Variants in BUD23 observed in about 807,000 individuals in gnomAD.
BUD23 encodes BUD23 rRNA methyltransferase and ribosome maturation factor.
In BUD23, 34 loss-of-function variants were observed where a neutral mutation model predicts 47.0. The observed-to-expected ratio is 0.72, with a 90% confidence interval of 0.55 to 0.96. The LOEUF is 0.96. Among genes scored for constraint, BUD23 ranks in the 40% least tolerant of loss-of-function variants. The pLI, the probability that BUD23 is intolerant of heterozygous loss-of-function variation, is 0.00. For missense variants in BUD23, 343 were observed against 361.2 expected (o/e 0.95, Z 0.41); for synonymous variants, 124 against 132.0 (o/e 0.94, Z 0.41).
At chr7:73,683,883 A>G (rs1554612277) in intron 2 of BUD23, 79 bp downstream of exon 2, 6 of 1,612,758 alleles carry the variant, frequency 3.7e-6, no homozygotes, top group Non-Finnish European at 5.1e-6. Flanking sequence ...GTTGCCCGGA[A>G]AGGCCGTAGA....
chr7:73,694,065 G>A lies in BUD23; in HGVS notation c.701+15G>A. ...ACCAATGAGAGGTAAAGCAACTGCT[G>A]AAGCCTGCCCCGGCTGCAGCGGGGG... On this transcript the variant is annotated intron_variant, in intron 10 of 11. Transcript: ENST00000265758. The A allele has an allele frequency of 1.9e-6, 3 of 1,602,810 alleles. No individual in the cohort carries two copies. Among genetic ancestry groups the A allele is most frequent in the Non-Finnish European group, 1.7e-6 (2 of 1,177,060 alleles).
At chr7:73,692,171 C>A (rs1198199875) in intron 6 of BUD23, among the ~76,000 whole-genome samples, 1 of 152,180 alleles carries the variant, frequency 6.6e-6, no homozygotes, top group Non-Finnish European at 1.5e-5. Flanking sequence ...TCCTGGCACA[C>A]TGGGTTAATA....
chr7:73,692,575 T>C, intron 6 of BUD23, 21 bp from the exon 7 acceptor site: 1 of 1,612,922 alleles, frequency 6.2e-7, no homozygotes, highest in Non-Finnish European at 8.5e-7. Flanking sequence ...TGTAAGACAG[T>C]GATGTTCCTG....
chr7:73,696,095 G>A (rs782763025), intron 10 of BUD23: 2 of 152,208 alleles, frequency 1.3e-5, no homozygotes, highest in Non-Finnish European at 2.9e-5. Context: ...CTGAGGTCCA[G>A]TTGACATGAG....
At position 73,683,677 on chromosome 7, in the gene BUD23, A is replaced by G; in HGVS notation, c.48+4A>G. 6.2e-7 allele frequency: 1 copy of G among 1,613,716 alleles called. No individual in the cohort carries two copies. Among genetic ancestry groups the G allele is most frequent in the Non-Finnish European group, 8.5e-7 (1 of 1,179,952 alleles). Reference sequence around the variant, plus strand: ...GCATGGCGGACCCCCAGAGCTGGTAAGTCCCGGGGCCCGCGGACACCCCTC... The same window carrying G: ...GCATGGCGGACCCCCAGAGCTGGTAGGTCCCGGGGCCCGCGGACACCCCTC... On this transcript the variant is annotated splice_donor_region_variant and intron_variant, in intron 1 of 11. Transcript: ENST00000265758.
intron 10 of BUD23, 22 bp from the exon 11 acceptor site, chr7:73,697,583 C>G: frequency 6.2e-7 from 1 of 1,613,396 alleles, no homozygotes; most frequent in Non-Finnish European, 8.5e-7. Context: ...TCCATCAGCT[C>G]ATAGCTGTGT....
At position 73,697,667 on chromosome 7, in the gene BUD23, A is replaced by C. The variant is rs1798473890; in HGVS notation, c.764A>C (p.Lys255Thr). 1.2e-6 allele frequency: 2 copies of C among 1,613,664 alleles called. No individual in the cohort carries two copies. Among genetic ancestry groups the C allele is most frequent in the Non-Finnish European group, 1.7e-6 (2 of 1,179,902 alleles). Reference sequence around the variant, plus strand: ...AAGAGTCGGGCATGGGTGCTGGAGAAGAAGGAGCGGCACAGGCGCCAGGGC... The same window carrying C: ...AAGAGTCGGGCATGGGTGCTGGAGACGAAGGAGCGGCACAGGCGCCAGGGC... Reference protein sequence around the residue: ...VRKSRAWVLEKKERHRRQGRE... With the variant: ...VRKSRAWVLETKERHRRQGRE... The change falls in exon 11 of 12, where the codon AAG (lysine) becomes ACG (threonine). Residue 255 changes from lysine to threonine, a missense_variant. Physicochemically the swap from Lys to Thr is moderately conservative, Grantham distance 78. Coordinates refer to ENST00000265758, the MANE Select transcript of BUD23 (RefSeq NM_017528.5).
intron 2 of BUD23, among the ~76,000 whole-genome samples, chr7:73,684,621 G>T: frequency 6.8e-6 from 1 of 147,390 alleles, no homozygotes; most frequent in East Asian, 2.0e-4. Flanking sequence ...AAAAAAAGGG[G>T]GGGGGATGGG....
At chr7:73,685,258 C>A (rs36100458) in intron 2 of BUD23, among the ~76,000 whole-genome samples, 1 of 152,186 alleles carries the variant, frequency 6.6e-6, no homozygotes, top group African/African-American at 2.4e-5. Context: ...CCAGCCTTGG[C>A]GACAGAGTGA....
intron 5 of BUD23, among the ~76,000 whole-genome samples, chr7:73,687,492 G>A (rs568577078): frequency 1.3e-5 from 2 of 152,290 alleles, no homozygotes; most frequent in African/African-American, 4.8e-5. Context: ...GGCCGGGATG[G>A]TTTCAATCTC....
intron 10 of BUD23, chr7:73,694,444 T>C (rs142539731): frequency 1.1e-5 from 2 of 176,552 alleles, no homozygotes; most frequent in Non-Finnish European, 2.4e-5. Context: ...CACACAGACA[T>C]GCTGCACAAT....
At position 73,697,622 on chromosome 7, in the gene BUD23, CGAGGCGGGGAATGGT is replaced by C; in HGVS notation, c.724_738del (p.Arg242_Arg246del). ...CGCCACAGGTTCCCATTAAGGATGTCGAGGCGGGGAATGGTGAGGAAGAGTCGGGCATGGGTGCTG... is the reference window on the plus strand; with the variant it reads ...CGCCACAGGTTCCCATTAAGGATGTCGAGGAAGAGTCGGGCATGGGTGCTG... On this transcript the variant is annotated inframe_deletion, in exon 11 of 12. Transcript: ENST00000265758. 4 of 1,613,566 alleles carry C rather than the reference CGAGGCGGGGAATGGT, an allele frequency of 2.5e-6. No homozygotes were observed. The highest frequency in any genetic ancestry group is 3.4e-6 in the Non-Finnish European group (4 of 1,179,938).
At chr7:73,685,445 A>G (rs1468149758) in intron 2 of BUD23, among the ~76,000 whole-genome samples, 1 of 152,230 alleles carries the variant, frequency 6.6e-6, no homozygotes, top group Non-Finnish European at 1.5e-5. Flanking sequence ...CGGCTGAAAT[A>G]GCTTGATAAT....
At chr7:73,694,098 A>C (rs1554614540) in intron 10 of BUD23, 48 bp downstream of exon 10, 2 of 1,577,294 alleles carry the variant, frequency 1.3e-6, no homozygotes, top group South Asian at 2.3e-5. Flanking sequence ...GGGCTGCCAC[A>C]TTTGTTAGAC....
intron 2 of BUD23, among the ~76,000 whole-genome samples, chr7:73,684,617 A>AAGGG (rs1554612517): frequency 8.4e-4 from 73 of 86,488 alleles, no homozygotes; most frequent in Admixed American, 1.1e-3. Context: ...AAAAAAAAAA[A>AAGGG]GGGGGGGGGA....
At chr7:73,693,861 G>A in intron 9 of BUD23, 131 bp from the exon 10 acceptor site, 1 of 1,359,580 alleles carries the variant, frequency 7.4e-7, no homozygotes, top group Non-Finnish European at 1.0e-6. Context: ...AGAAAGGCGT[G>A]TCAGTTCCTT....
rs187868064 is a variant in BUD23 at position 73,692,450 on chromosome 7, T to G, written c.460-146T>G. 32 of 648,952 alleles carry G rather than the reference T, an allele frequency of 4.9e-5. No individual in the cohort carries two copies. In the South Asian group the frequency reaches 6.5e-4, roughly 13 times the overall value. 40.2% of individuals were successfully genotyped at this position (648,952 alleles called of 1,614,324 possible). On this transcript the variant is annotated intron_variant, in intron 6 of 11. Coordinates refer to ENST00000265758, the MANE Select transcript of BUD23 (RefSeq NM_017528.5). Reference sequence around the variant, plus strand: ...GAGCTCCAAAGTTCAGGGTGATCTCTTTTGTTCATACTATCCCCAGCCCTA... The same window carrying G: ...GAGCTCCAAAGTTCAGGGTGATCTCGTTTGTTCATACTATCCCCAGCCCTA...
chr7:73,689,581 G>A (rs1554613682), intron 5 of BUD23, among the ~76,000 whole-genome samples: 1 of 152,122 alleles, frequency 6.6e-6, no homozygotes, highest in East Asian at 1.9e-4. Context: ...TGAAGGCTGG[G>A]AGGAATTTGG....
chr7:73,685,029 G>A (rs1423476347), intron 2 of BUD23, among the ~76,000 whole-genome samples: 1 of 150,804 alleles, frequency 6.6e-6, no homozygotes, highest in Non-Finnish European at 1.5e-5. Context: ...GTTACTGGCC[G>A]GGCGCTATGG....
Sources: allele counts gnomAD v4.1 joint callset (sites outside exome capture counted in the v4.1 genomes callset), GRCh38; gene constraint gnomAD v4.1.1; transcripts MANE v1.5; gene names NCBI Gene and HGNC (gene_info 2026-07-23, HGNC 2026-07-21).